The following ZFHX3 variants were observed in gnomAD, a reference collection of about 807,000 sequenced individuals.
The protein encoded by ZFHX3 is zinc finger homeobox 3.
In ZFHX3, 42 loss-of-function variants were observed where a neutral mutation model predicts 279.1. The ratio of observed to expected loss-of-function variants is 0.15; its 90% CI spans 0.12 to 0.19. The LOEUF (loss-of-function observed/expected upper bound fraction) is 0.19. Among genes scored for constraint, ZFHX3 ranks in the 10% least tolerant of loss-of-function variants. The pLI is 1.00. For missense variants in ZFHX3, 4,981 were observed against 4,754.0 expected, an observed-to-expected ratio of 1.05 and a Z score of -1.40; for synonymous variants, 2,293 against 1,957.8, an observed-to-expected ratio of 1.17 and a Z score of -4.52.
intron 7 of ZFHX3, among the ~76,000 whole-genome samples, chr16:72,802,103 T>A (rs2036120643): frequency 6.6e-6 from 1 of 152,158 alleles, no homozygotes; most frequent in Admixed American, 6.5e-5. Context: ...TGTGGGCTTT[T>A]CATACACATT....
intron 8 of ZFHX3, among the ~76,000 whole-genome samples, chr16:73,085,001 C>A (rs1230901801): frequency 6.6e-6 from 1 of 151,976 alleles, no homozygotes; most frequent in Non-Finnish European, 1.5e-5. Context: ...CTCAATGCAA[C>A]CCTTATCAAA....
In ZFHX3 at chr16:72,787,252, G is replaced by C. The variant is rs201360310; in HGVS notation, c.11024C>G (p.Pro3675Arg). The change falls in exon 10 of 10, where the codon CCG becomes CGG. Residue 3675 changes from proline (P) to arginine (R), a missense_variant. Pro to Arg is a moderately radical substitution (Grantham distance 103). Coordinates refer to ENST00000268489, the MANE Select transcript of ZFHX3 (RefSeq NM_006885.4). ...TTTGGGACCCTCCACCGGGCTCGCC[G>C]GTCCGTCGGACTTTTGGCTGAGATC... ...DTDLSQKSDG[P>R]ASPVEGPKDP... The C allele has an allele frequency of 4.5e-5, 73 of 1,613,908 alleles. No individual in the cohort carries two copies. Among genetic ancestry groups the C allele is most frequent in the Admixed American group, 6.7e-5 (4 of 60,000 alleles).
At chr16:73,622,408 T>C (rs754041274) in intron 2 of ZFHX3, among the ~76,000 whole-genome samples, 3 of 151,694 alleles carry the variant, frequency 2.0e-5, no homozygotes, top group Non-Finnish European at 4.4e-5. Flanking sequence ...AATACAAAAA[T>C]AAAATTAGCC....
intron 2 of ZFHX3, among the ~76,000 whole-genome samples, chr16:73,474,438 C>T (rs928567904): frequency 5.9e-5 from 9 of 152,188 alleles, no homozygotes; most frequent in African/African-American, 1.4e-4. Flanking sequence ...CATGAGCCAC[C>T]GCACCCAGCC....
intron 1 of ZFHX3, among the ~76,000 whole-genome samples, chr16:73,730,369 A>G (rs1041461548): frequency 7.4e-5 from 11 of 148,714 alleles, no homozygotes; most frequent in African/African-American, 1.5e-4. Context: ...AAAAAAAAAA[A>G]AAAAAAGAAA....
chr16:73,720,957 T>C (rs1199868690), intron 1 of ZFHX3, among the ~76,000 whole-genome samples: 1 of 152,222 alleles, frequency 6.6e-6, no homozygotes, highest in Non-Finnish European at 1.5e-5. Flanking sequence ...TCTGTGATTG[T>C]AAAGTGACAG....
chr16:73,049,523 A>ATAG (rs2144724111), upstream of ZFHX3, among the ~76,000 whole-genome samples: 1 of 152,362 alleles, frequency 6.6e-6, no homozygotes, highest in South Asian at 2.1e-4. Flanking sequence ...TAATGTAAGT[A>ATAG]TCTAACCTGT....
intron 9 of ZFHX3, among the ~76,000 whole-genome samples, chr16:72,792,809 G>T (rs955173485): frequency 8.5e-5 from 13 of 152,150 alleles, no homozygotes; most frequent in African/African-American, 3.1e-4. Flanking sequence ...CCAGGTGAGG[G>T]CAAAGAGTTG....
chr16:73,798,514 T>C (rs913373473), intron 1 of ZFHX3, among the ~76,000 whole-genome samples: 2 of 152,090 alleles, frequency 1.3e-5, no homozygotes, highest in African/African-American at 2.4e-5. Flanking sequence ...AGGACCCAGA[T>C]ACTGATCTGT....
intron 3 of ZFHX3, among the ~76,000 whole-genome samples, chr16:72,892,823 A>T (rs566568914): frequency 6.6e-6 from 1 of 152,302 alleles, no homozygotes; most frequent in South Asian, 2.1e-4. Context: ...AGCTGCTTTT[A>T]AAAAATGATT....
At chr16:73,444,166 AC>A (rs2018142527) in intron 3 of ZFHX3, among the ~76,000 whole-genome samples, 1 of 152,218 alleles carries the variant, frequency 6.6e-6, no homozygotes, top group African/African-American at 2.4e-5. Context: ...AAATACTCCT[AC>A]ATTTTAAAAT....
intron 2 of ZFHX3, among the ~76,000 whole-genome samples, chr16:73,468,929 T>A (rs753327477): frequency 6.6e-6 from 1 of 152,198 alleles, no homozygotes; most frequent in Non-Finnish European, 1.5e-5. Flanking sequence ...GACTGCATAA[T>A]GAGGAGGAGA....
intron 2 of ZFHX3, among the ~76,000 whole-genome samples, chr16:73,485,438 A>AAAAAAAG (rs2018957041): frequency 1.4e-5 from 2 of 144,836 alleles, no homozygotes; most frequent in Non-Finnish European, 1.5e-5. Context: ...AAAAAAAAAA[A>AAAAAAAG]AAAAAAAAAC....
intron 2 of ZFHX3, among the ~76,000 whole-genome samples, chr16:73,676,538 C>T (rs1029840077): frequency 3.3e-5 from 5 of 151,660 alleles, no homozygotes; most frequent in African/African-American, 1.2e-4. Flanking sequence ...AGTCTATATG[C>T]CCAAAGACAG....
At chr16:73,563,267 T>A (rs2020402103) in intron 2 of ZFHX3, among the ~76,000 whole-genome samples, 1 of 150,054 alleles carries the variant, frequency 6.7e-6, no homozygotes, top group African/African-American at 2.5e-5. Flanking sequence ...AGAGGGAGTC[T>A]CACTCTGCCA....
intron 5 of ZFHX3, among the ~76,000 whole-genome samples, chr16:73,146,125 G>T (rs1016270388): frequency 6.6e-6 from 1 of 152,136 alleles, no homozygotes; most frequent in African/African-American, 2.4e-5. Context: ...GGAAAACAAA[G>T]TATAGAGATA....
intron 3 of ZFHX3, among the ~76,000 whole-genome samples, chr16:73,407,466 A>G (rs1418661952): frequency 2.0e-5 from 3 of 152,210 alleles, no homozygotes; most frequent in South Asian, 2.1e-4. Context: ...CAGAGGACAC[A>G]TCAGTAGTCC....
At chr16:73,236,927 T>A (rs767658533) in intron 5 of ZFHX3, among the ~76,000 whole-genome samples, 2 of 152,154 alleles carry the variant, frequency 1.3e-5, no homozygotes, top group African/African-American at 2.4e-5. Context: ...CTTCAGCAAA[T>A]GGTGAAGACA....
At chr16:73,428,526 C>A (rs1330657749) in intron 3 of ZFHX3, among the ~76,000 whole-genome samples, 2 of 152,132 alleles carry the variant, frequency 1.3e-5, no homozygotes, top group South Asian at 2.1e-4. Flanking sequence ...CAGCCACCAG[C>A]GAGGACAGCC....
Sources: allele counts gnomAD v4.1 joint callset (sites outside exome capture counted in the v4.1 genomes callset), GRCh38; gene constraint gnomAD v4.1.1; transcripts MANE v1.5; gene names NCBI Gene and HGNC (gene_info 2026-07-23, HGNC 2026-07-21).